The following TFCP2 variants were observed in gnomAD, a reference collection of about 807,000 sequenced individuals.
TFCP2 encodes the protein alpha-globin transcription factor CP2.
In TFCP2, 33 loss-of-function variants were observed where a neutral mutation model predicts 73.4. The ratio of observed to expected loss-of-function variants is 0.45; its 90% confidence interval spans 0.34 to 0.60. The LOEUF is 0.60. Among genes scored for constraint, TFCP2 ranks in the 20% least tolerant of loss-of-function variants. The pLI is 0.01. For missense variants in TFCP2, 352 were observed against 604.0 expected (o/e 0.58, Z 4.37); for synonymous variants, 193 against 211.6 (o/e 0.91, Z 0.76).
chr12:51,142,228 A>AAAAT (rs1941210800), intron 1 of TFCP2, among the ~76,000 whole-genome samples: 1 of 146,744 alleles, frequency 6.8e-6, no homozygotes, highest in Non-Finnish European at 1.5e-5. Context: ...AAAAAAAAAA[A>AAAAT]GTCTTTATAA....
intron 1 of TFCP2, among the ~76,000 whole-genome samples, chr12:51,150,428 G>T (rs1941396846): frequency 6.6e-6 from 1 of 151,332 alleles, no homozygotes; most frequent in South Asian, 2.1e-4. Context: ...GAAAAAAAAA[G>T]AAAAAAAATT....
At chr12:51,155,323 T>C (rs975702699) in intron 1 of TFCP2, among the ~76,000 whole-genome samples, 4 of 152,202 alleles carry the variant, frequency 2.6e-5, no homozygotes, top group Non-Finnish European at 5.9e-5. Context: ...GCCTTCTTAG[T>C]TTCCATAATT....
At chr12:51,125,140 G>A (rs1391092574) in intron 1 of TFCP2, 2 of 739,376 alleles carry the variant, frequency 2.7e-6, no homozygotes, top group Admixed American at 1.8e-5. Flanking sequence ...ATGATGCGCA[G>A]TGTGATATTG....
At chr12:51,109,427 A>G (rs1220847535) in intron 5 of TFCP2, among the ~76,000 whole-genome samples, 154 bp from the exon 6 acceptor site, 1 of 152,256 alleles carries the variant, frequency 6.6e-6, no homozygotes, top group African/African-American at 2.4e-5. Context: ...AAGAACTTAC[A>G]ATCTGATAGA....
At position 51,154,116 on chromosome 12, in the gene TFCP2, T is replaced by C. The variant is rs1270765538; in HGVS notation, c.122+18185A>G. On this transcript the variant is annotated intron_variant, in intron 1 of 14. Transcript: ENST00000257915. ...GTATGTACTTACAACATTTTGCTTATACATTCATCCCTTGATCAATGGGCT... is the reference window on the plus strand; with the variant it reads ...GTATGTACTTACAACATTTTGCTTACACATTCATCCCTTGATCAATGGGCT... 2.0e-5 allele frequency among the ~76,000 whole-genome samples: 3 copies of C among 152,222 alleles called. No homozygotes were observed. In the East Asian group the frequency reaches 5.8e-4, roughly 29 times the overall value.
chr12:51,154,987 T>C (rs931413519), intron 1 of TFCP2, among the ~76,000 whole-genome samples: 2 of 152,172 alleles, frequency 1.3e-5, no homozygotes, highest in East Asian at 1.9e-4. Flanking sequence ...TGTGAGTAGG[T>C]TGATTGAGGG....
chr12:51,163,626 A>G (rs1941694720), intron 1 of TFCP2, among the ~76,000 whole-genome samples: 1 of 151,616 alleles, frequency 6.6e-6, no homozygotes, highest in South Asian at 2.1e-4. Context: ...ACAATAATAA[A>G]ATATTAGAAA....
chr12:51,105,372 G>A lies in TFCP2; in HGVS notation c.917+1153C>T, dbSNP rs1052685690. ...TTCCCAAAGTGCTGGGATTGCAGGT[G>A]TGAGCCACCGCGCCCAGCCTGTTTT... is the stretch of plus-strand genomic sequence containing the variant. On this transcript the variant is annotated intron_variant, in intron 8 of 14. Coordinates refer to ENST00000257915, the MANE Select transcript of TFCP2 (RefSeq NM_005653.5). Among the ~76,000 whole-genome samples, 4 of 152,190 alleles carry A rather than the reference G, an allele frequency of 2.6e-5. No homozygotes were observed. The South Asian group carries it at 6.2e-4, about 24-fold the overall frequency.
intron 4 of TFCP2, 45 bp from the exon 5 acceptor site, chr12:51,111,028 C>T (rs1250408481): frequency 3.0e-6 from 4 of 1,318,926 alleles, no homozygotes; most frequent in Non-Finnish European, 4.4e-6. Flanking sequence ...GAGGGCCACT[C>T]AGTTTTAAAT....
chr12:51,126,214 CAG>C (rs1224262515), intron 1 of TFCP2, among the ~76,000 whole-genome samples: 3 of 108,878 alleles, frequency 2.8e-5, no homozygotes, highest in Non-Finnish European at 5.1e-5. Flanking sequence ...GCCTGGGTGA[CAG>C]AGTGAGACTC....
intron 1 of TFCP2, among the ~76,000 whole-genome samples, chr12:51,166,230 G>T (rs185656685): frequency 1.7e-3 from 253 of 151,722 alleles, no homozygotes; most frequent in Non-Finnish European, 2.1e-3. Context: ...CAGGAGAATC[G>T]CTTGAAGCTG....
At chr12:51,107,492 T>C (rs1178845739) in intron 6 of TFCP2, 146 bp from the exon 7 acceptor site, 3 of 654,902 alleles carry the variant, frequency 4.6e-6, no homozygotes, top group Non-Finnish European at 8.0e-6. Flanking sequence ...AGTTTGAAAA[T>C]AGGAAATTTA....
intron 1 of TFCP2, among the ~76,000 whole-genome samples, chr12:51,170,147 A>G (rs571486199): frequency 6.6e-6 from 1 of 152,332 alleles, no homozygotes; most frequent in African/African-American, 2.4e-5. Flanking sequence ...CAGGGCACTT[A>G]CTTTCAGACC....
chr12:51,142,522 C>T (rs569143553), intron 1 of TFCP2, among the ~76,000 whole-genome samples: 6 of 152,242 alleles, frequency 3.9e-5, no homozygotes, highest in Admixed American at 1.3e-4. Flanking sequence ...CCTGATGCAA[C>T]GAAGGCTAAG....
At chr12:51,171,868 C>T (rs1941869930) in intron 1 of TFCP2, among the ~76,000 whole-genome samples, 1 of 152,198 alleles carries the variant, frequency 6.6e-6, no homozygotes, top group Admixed American at 6.5e-5. Context: ...TCAAGGACTT[C>T]CATATCTTTC....
intron 4 of TFCP2, among the ~76,000 whole-genome samples, chr12:51,115,331 A>C (rs910981951): frequency 1.3e-5 from 2 of 152,200 alleles, no homozygotes; most frequent in Admixed American, 1.3e-4. Flanking sequence ...CATGTTAGCC[A>C]GGATGGTCTC....
intron 1 of TFCP2, among the ~76,000 whole-genome samples, chr12:51,163,416 C>A (rs1043775199): frequency 7.2e-5 from 11 of 152,100 alleles, no homozygotes; most frequent in Admixed American, 1.3e-4. Flanking sequence ...GTGGCAAAAC[C>A]CTGTCTCTAC....
chr12:51,099,698 CTGTTGCTGCTGCTGT>C lies in TFCP2; in HGVS notation c.1218_1232del (p.Gln409_Gln413del). ...AGTCTCCATCCTCATGCTTCTGCTG[CTGTTGCTGCTGCTGT>C]TGTTGCTGCTCCCTCAACTGCAGTG... On this transcript the variant is annotated inframe_deletion, in exon 12 of 15. Transcript: ENST00000257915. The C allele has an allele frequency of 1.9e-6, 3 of 1,614,162 alleles. No individual in the cohort carries two copies. Among genetic ancestry groups the C allele is most frequent in the Admixed American group, 1.7e-5 (1 of 60,014 alleles).
chr12:51,152,675 AAATAT>A (rs1304985834), intron 1 of TFCP2, among the ~76,000 whole-genome samples: 6 of 152,242 alleles, frequency 3.9e-5, no homozygotes, highest in Admixed American at 3.9e-4. Flanking sequence ...AGGATAAAGC[AAATAT>A]ATTAAAATAT....
Sources: allele counts gnomAD v4.1 joint callset (sites outside exome capture counted in the v4.1 genomes callset), GRCh38; gene constraint gnomAD v4.1.1; transcripts MANE v1.5; gene names NCBI Gene and HGNC (gene_info 2026-07-23, HGNC 2026-07-21).